The following AGMO variants were observed in gnomAD, a reference collection of about 807,000 sequenced individuals.
AGMO encodes alkylglycerol monooxygenase, also known as glyceryl-ether monooxygenase.
Under a neutral mutation model 60.2 loss-of-function variants are expected in AGMO, and 75 were observed. The observed-to-expected ratio is 1.25, with a 90% CI of 1.03 to 1.51. The LOEUF is 1.51. Among genes scored for constraint, AGMO ranks in the 40% most tolerant of loss-of-function variants. AGMO has a pLI of 0.00. For synonymous variants in AGMO, 261 were observed against 177.1 expected (o/e 1.47, Z -3.76); for missense variants, 763 against 525.5 (o/e 1.45, Z -4.42).
the AGMO span, among the ~76,000 whole-genome samples, chr7:15,193,373 CTTAT>C: frequency 6.6e-6 from 1 of 152,016 alleles, no homozygotes; most frequent in Non-Finnish European, 1.5e-5. Context: ...AGTAATTTGT[CTTAT>C]TTATTACTTG....
intron 3 of AGMO, among the ~76,000 whole-genome samples, chr7:15,432,369 C>CACATATATATATATATAT (rs141888494): frequency 2.0e-5 from 1 of 50,688 alleles, no homozygotes; most frequent in Non-Finnish European, 5.2e-5. Flanking sequence ...TATACACACA[C>CACATATATATATATATAT]ATATATATAT....
chr7:15,484,628 T>C (rs1367850092), intron 3 of AGMO, among the ~76,000 whole-genome samples: 2 of 152,132 alleles, frequency 1.3e-5, no homozygotes, highest in Non-Finnish European at 2.9e-5. Flanking sequence ...TCTTGAAATG[T>C]TTTGACAAAA....
At chr7:15,184,350 G>A in the AGMO span, among the ~76,000 whole-genome samples, 220 of 24,376 alleles carry the variant, frequency 9.0e-3, 67 homozygotes, top group East Asian at 0.094. Context: ...AGGAAAGAAG[G>A]GAGGGAGGGA....
At chr7:15,360,289 C>T (rs1199702407) in intron 12 of AGMO, among the ~76,000 whole-genome samples, 2 of 152,138 alleles carry the variant, frequency 1.3e-5, no homozygotes, top group African/African-American at 4.8e-5. Context: ...GCAATAAGTA[C>T]ACTCGACCCT....
chr7:15,127,645 T>C, the AGMO span, among the ~76,000 whole-genome samples: 5 of 152,102 alleles, frequency 3.3e-5, no homozygotes, highest in African/African-American at 1.2e-4. Flanking sequence ...TAGATTAAAA[T>C]TGAGGGATTA....
intron 12 of AGMO, among the ~76,000 whole-genome samples, chr7:15,245,244 TA>T (rs1392388866): frequency 6.6e-6 from 1 of 152,158 alleles, no homozygotes; most frequent in Non-Finnish European, 1.5e-5. Flanking sequence ...ACTAATCTCC[TA>T]CTCTACCAGA....
downstream of AGMO, among the ~76,000 whole-genome samples, chr7:15,198,253 G>GAC (rs1563030509): frequency 7.9e-5 from 5 of 63,450 alleles, no homozygotes; most frequent in East Asian, 7.2e-4. Context: ...GAGAGAGAGA[G>GAC]AGACAGAGAC....
At chr7:15,220,238 G>T (rs1379956839) in intron 12 of AGMO, among the ~76,000 whole-genome samples, 1 of 125,576 alleles carries the variant, frequency 8.0e-6, no homozygotes, top group East Asian at 2.4e-4. Flanking sequence ...TTTTCCTGGA[G>T]ATGGAGTCTG....
chr7:15,224,700 A>G (rs1782025006), intron 12 of AGMO, among the ~76,000 whole-genome samples: 1 of 151,936 alleles, frequency 6.6e-6, no homozygotes, highest in Non-Finnish European at 1.5e-5. Context: ...AATCTTTTGT[A>G]TTGTTTGAGC....
chr7:15,166,101 T>A, the AGMO span, among the ~76,000 whole-genome samples: 2 of 152,174 alleles, frequency 1.3e-5, no homozygotes, highest in Admixed American at 6.6e-5. Context: ...AAGTGACAGA[T>A]GCTAAGTAAT....
chr7:15,360,983 T>G (rs1782728158), intron 12 of AGMO, among the ~76,000 whole-genome samples: 1 of 152,186 alleles, frequency 6.6e-6, no homozygotes, highest in Non-Finnish European at 1.5e-5. Flanking sequence ...TTCCCATGCC[T>G]TCTTCACCTT....
At chr7:15,177,232 A>C in the AGMO span, among the ~76,000 whole-genome samples, 1,227 of 152,218 alleles carry the variant, frequency 8.1e-3, 22 homozygotes, top group African/African-American at 0.029. Context: ...AAACATACCA[A>C]AAATTTTTAA....
chr7:15,560,026 T>A (rs1785259870), intron 2 of AGMO, 115 bp downstream of exon 2: 2 of 1,085,746 alleles, frequency 1.8e-6, no homozygotes, highest in Non-Finnish European at 2.5e-6. Context: ...ATGAACTGAA[T>A]TTTTTGGGAA....
intron 12 of AGMO, among the ~76,000 whole-genome samples, chr7:15,314,504 T>A (rs1218050376): frequency 6.6e-6 from 1 of 152,182 alleles, no homozygotes; most frequent in Non-Finnish European, 1.5e-5. Context: ...GTACTTTAAA[T>A]CACATTCTAG....
At chr7:15,417,560 C>T (rs28537830) in intron 5 of AGMO, among the ~76,000 whole-genome samples, 104 of 152,210 alleles carry the variant, frequency 6.8e-4, no homozygotes, top group African/African-American at 2.4e-3. Flanking sequence ...CAGAATTGGC[C>T]GCAACATCTC....
Position 15,390,652 on chromosome 7 carries a change from TA to T in AGMO, c.822+18del. On this transcript the variant is annotated intron_variant, in intron 8 of 12. Transcript: ENST00000342526. Reference sequence around the variant, plus strand: ...TGAAATGATATAAATGAAGAAAGAATAAAAAACAAGTATGTTACCTGCACTT... The same window carrying T: ...TGAAATGATATAAATGAAGAAAGAATAAAAACAAGTATGTTACCTGCACTT... 2 of 1,524,188 alleles carry T rather than the reference TA, an allele frequency of 1.3e-6. No homozygotes were observed. The highest frequency in any genetic ancestry group is 1.8e-5 in the Admixed American group (1 of 54,522). The allele number at this position is 1,524,188 out of a possible 1,614,324, so 94.4% of individuals were successfully genotyped here. A position where few individuals can be genotyped will look rare whatever the true frequency, so the allele number is the denominator to read the frequency against.
intron 3 of AGMO, among the ~76,000 whole-genome samples, chr7:15,533,129 A>C (rs73679645): frequency 0.016 from 2,473 of 152,262 alleles, 55 homozygotes; most frequent in African/African-American, 0.056. Context: ...TTTGGTTTTT[A>C]TACACATGGA....
downstream of AGMO, among the ~76,000 whole-genome samples, chr7:15,195,971 T>A (rs952051011): frequency 6.6e-6 from 1 of 152,006 alleles, no homozygotes; most frequent in African/African-American, 2.4e-5. Context: ...GATGCTTACA[T>A]AGTATTTACA....
At chr7:15,259,897 T>A (rs1245603445) in intron 12 of AGMO, among the ~76,000 whole-genome samples, 7 of 13,352 alleles carry the variant, frequency 5.2e-4, no homozygotes, top group East Asian at 2.2e-3. Flanking sequence ...CTACAAGAAC[T>A]GCAAAAAAAA....
Sources: allele counts gnomAD v4.1 joint callset (sites outside exome capture counted in the v4.1 genomes callset), GRCh38; gene constraint gnomAD v4.1.1; transcripts MANE v1.5; gene names NCBI Gene and HGNC (gene_info 2026-07-23, HGNC 2026-07-21).